TMEM63A: variants seen among roughly 807,000 people sequenced by gnomAD.
The protein encoded by TMEM63A is mechanosensitive cation channel TMEM63A.
TMEM63A carries 76 observed loss-of-function variants against 100.6 expected under a neutral mutation model. The observed-to-expected ratio is 0.76, with a 90% confidence interval of 0.63 to 0.91. TMEM63A has a LOEUF of 0.91. TMEM63A is among the 40% of genes least tolerant of loss of function. The probability of loss-of-function intolerance (pLI) is 0.00; values close to 1 mark genes in which losing one functional copy is unlikely to be tolerated. For synonymous variants in TMEM63A, 401 were observed against 401.1 expected (o/e 1.00, Z 0.00); for missense variants, 876 against 1,008.8 (o/e 0.87, Z 1.78).
downstream of TMEM63A, chr1:225,844,618 T>C (rs2137841): frequency 6.2e-7 from 1 of 1,614,008 alleles, no homozygotes; most frequent in East Asian, 2.2e-5. Context: ...CCCAGAAGCA[T>C]GAGCGGTGAG....
In TMEM63A at chr1:225,877,910, TAAG is replaced by T. The variant is rs149874832; in HGVS notation, c.-14-319_-14-317del. ...GACAGAGTTGCTGCAGCTGCTGTCTTAAGAAGTCCTAAAGTTCCTCTAGCCTCG... is the reference window on the plus strand; with the variant it reads ...GACAGAGTTGCTGCAGCTGCTGTCTTAAGTCCTAAAGTTCCTCTAGCCTCG... On this transcript the variant is annotated intron_variant, in intron 2 of 24. Transcript: ENST00000366835. Among the ~76,000 whole-genome samples the T allele has an allele frequency of 7.3e-3, 1,117 of 152,222 alleles. 20 individuals carry two copies. The highest frequency in any genetic ancestry group is 0.026 in the African/African-American group (1,078 of 41,512).
At chr1:225,844,389 G>T, downstream of TMEM63A, 1 of 1,562,264 alleles carries the variant, frequency 6.4e-7, no homozygotes. Flanking sequence ...GAGGTCTGAG[G>T]AGGGAAGCCG....
At chr1:225,873,013 C>G (rs969159327) in intron 4 of TMEM63A, among the ~76,000 whole-genome samples, 5 of 152,062 alleles carry the variant, frequency 3.3e-5, no homozygotes, top group African/African-American at 1.2e-4. Context: ...TTTCTCTAGT[C>G]TCCTATTCCT....
chr1:225,856,037 G>C (rs912077652), intron 17 of TMEM63A, 97 bp from the exon 18 acceptor site: 1 of 1,282,142 alleles, frequency 7.8e-7, no homozygotes, highest in East Asian at 2.5e-5. Flanking sequence ...ACAGGCCAAA[G>C]CTCGAGATTG....
chr1:225,877,468 T>C lies in TMEM63A; in HGVS notation c.113A>G (p.Asn38Ser). 1.2e-6 allele frequency: 2 copies of C among 1,614,018 alleles called. No homozygotes were observed. The highest frequency in any genetic ancestry group is 1.7e-6 in the Non-Finnish European group (2 of 1,179,970). The change falls in exon 3 of 25, where the codon AAC becomes AGC. Residue 38 changes from asparagine to serine, a missense_variant. By Grantham distance (46) the Asn-to-Ser change is conservative. Coordinates refer to ENST00000366835, the MANE Select transcript of TMEM63A (RefSeq NM_014698.3). ...NDSYCYNSAK[N>S]STVLQGVTFG... ...GGTGACCCCCTGGAGCACGGTGCTG[T>C]TTTTGGCCGAGTTGTAGCAATAGGA...
In TMEM63A at chr1:225,853,805, G is replaced by A; in HGVS notation, c.1635-14C>T. On this transcript the variant is annotated splice_polypyrimidine_tract_variant and intron_variant, in intron 18 of 24. Coordinates refer to ENST00000366835, the MANE Select transcript of TMEM63A (RefSeq NM_014698.3). This position sits in a 1 kb window ranked among gnomAD's most constrained non-coding sequence, Gnocchi z 4.0. ...AGGAAGACGCACCTGGGGAAACCAGGGCCCAGGTCTGTGAGCTGAGAGCCG... is the reference window on the plus strand; with the variant it reads ...AGGAAGACGCACCTGGGGAAACCAGAGCCCAGGTCTGTGAGCTGAGAGCCG... The A allele has an allele frequency of 6.3e-7, 1 of 1,582,026 alleles. No individual in the cohort carries two copies. The highest frequency in any genetic ancestry group is 8.6e-7 in the Non-Finnish European group (1 of 1,164,168).
intron 15 of TMEM63A, among the ~76,000 whole-genome samples, chr1:225,858,324 T>TG (rs1669747669): frequency 1.4e-4 from 10 of 70,302 alleles, no homozygotes; most frequent in South Asian, 7.3e-4. Context: ...GTTTGTTTTT[T>TG]TTTTTTTTTT....
downstream of TMEM63A, chr1:225,845,068 C>T (rs967715926): frequency 4.3e-5 from 64 of 1,484,900 alleles, no homozygotes; most frequent in South Asian, 1.4e-4. Flanking sequence ...CACCCCCAGG[C>T]GCTTTAACCC....
At chr1:225,844,516 CCTGCTGACCAACGT>C, downstream of TMEM63A, 1 of 1,614,172 alleles carries the variant, frequency 6.2e-7, no homozygotes, top group South Asian at 1.1e-5. Flanking sequence ...CCCTGGACGA[CCTGCTGACCAACGT>C]CATGCTCTAC....
downstream of TMEM63A, chr1:225,844,698 A>AG: frequency 6.3e-7 from 1 of 1,595,236 alleles, no homozygotes; most frequent in Non-Finnish European, 8.5e-7. Context: ...GGCTCCACGA[A>AG]GGGCACTTGG....
At chr1:225,850,857 G>A (rs1027652156) in intron 20 of TMEM63A, among the ~76,000 whole-genome samples, 25 of 152,072 alleles carry the variant, frequency 1.6e-4, no homozygotes, top group South Asian at 4.1e-4. Flanking sequence ...GACTACGGGC[G>A]CCTGACACCA....
In TMEM63A at chr1:225,872,014, T is replaced by C. The variant is rs1029565755; in HGVS notation, c.306A>G (p.Ser102=). ...RFQRLSSTSS[S]GQQDFENELG... ...GCTCATTTTCAAAGTCTTGTTGACC[T>C]GAGGAGGAAGTCGATGACAATCTCT... Residue 102 remains serine (S), a synonymous_variant, in exon 5 of 25, where the codon TCA becomes TCG. Transcript: ENST00000366835. 1.5e-5 allele frequency: 24 copies of C among 1,612,772 alleles called. No individual in the cohort carries two copies. The highest frequency in any genetic ancestry group is 1.9e-5 in the Non-Finnish European group (23 of 1,179,652).
At chr1:225,869,302 T>C (rs960809140) in intron 6 of TMEM63A, among the ~76,000 whole-genome samples, 1 of 152,246 alleles carries the variant, frequency 6.6e-6, no homozygotes, top group Non-Finnish European at 1.5e-5. Context: ...CCTGTTCATA[T>C]GAGTCCTGAT....
Position 225,848,558 on chromosome 1 carries a change from C to T in TMEM63A, c.2188-4G>A. On this transcript the variant is annotated splice_polypyrimidine_tract_variant and splice_region_variant and intron_variant, in intron 22 of 24. Coordinates refer to ENST00000366835, the MANE Select transcript of TMEM63A (RefSeq NM_014698.3). ...TGTCACTTGCAGGCTCTTCTGTCTG[C>T]AGATAACAGCAAAAACTTGCGATGA... The T allele has an allele frequency of 6.2e-7, 1 of 1,614,012 alleles. No homozygotes were observed. The highest frequency in any genetic ancestry group is 8.5e-7 in the Non-Finnish European group (1 of 1,180,024).
At chr1:225,857,491 T>TG (rs1334119018) in intron 15 of TMEM63A, among the ~76,000 whole-genome samples, 2 of 151,888 alleles carry the variant, frequency 1.3e-5, no homozygotes, top group African/African-American at 4.8e-5. Flanking sequence ...TGGGATTACA[T>TG]GAGCTGATTG....
downstream of TMEM63A, among the ~76,000 whole-genome samples, chr1:225,843,735 C>T (rs1012102175): frequency 2.6e-5 from 4 of 152,142 alleles, no homozygotes; most frequent in African/African-American, 7.2e-5. Context: ...AAATGGTGGT[C>T]GTGGTCGTTT....
rs140729568 is a variant in TMEM63A, at chr1:225,867,456, C to T, written c.515-293G>A. On this transcript the variant is annotated intron_variant, in intron 7 of 24. Coordinates refer to ENST00000366835, the MANE Select transcript of TMEM63A (RefSeq NM_014698.3). The surrounding 1 kb of genome is among the most constrained non-coding windows in gnomAD (Gnocchi z 4.6). ...TTGTTACAAAACCAACGTTGGGAACCACTGGGTATCCTAAGTGGATTCATG... is the reference window on the plus strand; with the variant it reads ...TTGTTACAAAACCAACGTTGGGAACTACTGGGTATCCTAAGTGGATTCATG... 1.3e-5 allele frequency among the ~76,000 whole-genome samples: 2 copies of T among 152,308 alleles called. No homozygotes were observed. Among genetic ancestry groups the T allele is most frequent in the South Asian group, 2.1e-4 (1 of 4,820 alleles).
intron 14 of TMEM63A, 69 bp from the exon 15 acceptor site, chr1:225,859,418 A>C: frequency 6.3e-7 from 1 of 1,590,268 alleles, no homozygotes; most frequent in Non-Finnish European, 8.6e-7. Flanking sequence ...GTGGGTCAGA[A>C]GGTCAGATTT....
chr1:225,842,295 C>T, downstream of TMEM63A: 2 of 1,168,720 alleles, frequency 1.7e-6, no homozygotes, highest in Non-Finnish European at 2.6e-6. Flanking sequence ...CAGTGCCACA[C>T]ATCACACCTG....
Sources: allele counts gnomAD v4.1 joint callset (sites outside exome capture counted in the v4.1 genomes callset), GRCh38; gene constraint gnomAD v4.1.1; non-coding constraint Gnocchi (gnomAD v3.1); transcripts MANE v1.5; gene names NCBI Gene and HGNC (gene_info 2026-07-23, HGNC 2026-07-21).